The following MYO7B variants were observed in gnomAD, a reference collection of about 807,000 sequenced individuals.
MYO7B encodes the protein myosin VIIB, also known as unconventional myosin-VIIb.
Under a neutral mutation model 259.7 loss-of-function variants are expected in MYO7B, and 212 were observed. That is an observed-to-expected ratio of 0.82 (90% confidence interval 0.73 to 0.91). The LOEUF is 0.91. MYO7B is among the 40% of genes least tolerant of loss of function. MYO7B has a pLI of 0.00. For missense variants in MYO7B, 2,732 were observed against 2,813.5 expected, an observed-to-expected ratio of 0.97 and a Z score of 0.66; for synonymous variants, 1,197 against 1,166.4, an observed-to-expected ratio of 1.03 and a Z score of -0.54.
chr2:127,637,284 C>A, intron 47 of MYO7B, 32 bp from the exon 48 acceptor site: 1 of 1,492,658 alleles, frequency 6.7e-7, no homozygotes, highest in Non-Finnish European at 9.0e-7. Context: ...CCTCTGCACC[C>A]ACAGCCTCTG....
intron 10 of MYO7B, among the ~76,000 whole-genome samples, chr2:127,581,390 T>C (rs150901433): frequency 6.6e-6 from 1 of 152,324 alleles, no homozygotes; most frequent in Non-Finnish European, 1.5e-5. Context: ...TTGACAGTTC[T>C]GGTGGAAAAT....
intron 39 of MYO7B, among the ~76,000 whole-genome samples, chr2:127,632,996 C>T (rs1488147741): frequency 2.0e-5 from 3 of 152,216 alleles, no homozygotes; most frequent in Non-Finnish European, 2.9e-5. Flanking sequence ...CCTTTCCTGC[C>T]GGCGCCTTCC....
At position 127,574,008 on chromosome 2, in the gene MYO7B, C is replaced by T. The variant is rs779853924; in HGVS notation, c.681C>T (p.Ile227=). 116 of 1,613,916 alleles carry T rather than the reference C, an allele frequency of 7.2e-5. 1 individual carries two copies. The Middle Eastern group carries it at 1.2e-3, about 16-fold the overall frequency. ...IDIYFNPSGV[I]EGARIEQFLL... ...TCTACTTTAACCCCAGCGGGGTGAT[C>T]GAGGGCGCGCGCATCGAGCAATTTC... The change falls in exon 7 of 48, where the codon ATC becomes ATT. Residue 227 remains isoleucine (I), a synonymous_variant. Coordinates refer to ENST00000409816, the MANE Select transcript of MYO7B (RefSeq NM_001393586.1).
intron 1 of MYO7B, among the ~76,000 whole-genome samples, chr2:127,558,802 A>C (rs888910883): frequency 2.6e-5 from 4 of 152,204 alleles, no homozygotes; most frequent in African/African-American, 9.7e-5. Flanking sequence ...TGGAAAACCA[A>C]ACATCGTATG....
intron 15 of MYO7B, among the ~76,000 whole-genome samples, 192 bp downstream of exon 15, chr2:127,588,747 AGTGGG>A: frequency 1.3e-5 from 1 of 75,080 alleles, no homozygotes; most frequent in Admixed American, 1.6e-4. Context: ...GTGGATGGGT[AGTGGG>A]TGGGTGGATG....
Position 127,607,182 on chromosome 2 carries a change from C to G in MYO7B, c.2425-24C>G, listed in dbSNP as rs1412835876. On this transcript the variant is annotated intron_variant, in intron 20 of 47. Coordinates refer to ENST00000409816, the MANE Select transcript of MYO7B (RefSeq NM_001393586.1). This position sits in a 1 kb window ranked among gnomAD's most constrained non-coding sequence, Gnocchi z 4.4. ...TGGGGAAGGCCTTCTTGCCCCTGATCTCACCTCTCTCTTGCCTCCGCAGAT... is the reference window on the plus strand; with the variant it reads ...TGGGGAAGGCCTTCTTGCCCCTGATGTCACCTCTCTCTTGCCTCCGCAGAT... 3 of 1,536,472 alleles carry G rather than the reference C, an allele frequency of 2.0e-6. No homozygotes were observed. The highest frequency in any genetic ancestry group is 4.6e-4 in the Middle Eastern group (2 of 4,372).
At chr2:127,564,090 G>A in intron 2 of MYO7B, 63 bp from the exon 3 acceptor site, 1 of 1,200,530 alleles carries the variant, frequency 8.3e-7, no homozygotes, top group South Asian at 1.4e-5. Context: ...AGAGAAGTAA[G>A]TATCCAGCAG....
intron 26 of MYO7B, among the ~76,000 whole-genome samples, chr2:127,618,888 G>A (rs574875754): frequency 2.0e-5 from 3 of 152,370 alleles, no homozygotes; most frequent in African/African-American, 7.2e-5. Context: ...GATCCAGAGA[G>A]AGCTGATGAG....
chr2:127,624,360 A>G (rs377580049), intron 30 of MYO7B, 40 bp downstream of exon 30: 283 of 1,525,382 alleles, frequency 1.9e-4, no homozygotes, highest in Non-Finnish European at 2.3e-4. Context: ...AGGCTTTGCC[A>G]TCAGGAAACA....
Position 127,628,678 on chromosome 2 carries a change from G to A in MYO7B, c.4624+143G>A. ...GGGAAGGCCCCAAAGCTCTGTGGGGGCAGCTTTAGGCAAGGCCCTGCCTTC... is the reference window on the plus strand; with the variant it reads ...GGGAAGGCCCCAAAGCTCTGTGGGGACAGCTTTAGGCAAGGCCCTGCCTTC... On this transcript the variant is annotated intron_variant, in intron 34 of 47. Coordinates refer to ENST00000409816, the MANE Select transcript of MYO7B (RefSeq NM_001393586.1). The surrounding 1 kb of genome is among the most constrained non-coding windows in gnomAD (Gnocchi z 4.8). 2.3e-6 allele frequency: 2 copies of A among 857,384 alleles called. No individual in the cohort carries two copies. The highest frequency in any genetic ancestry group is 1.8e-5 in the South Asian group (1 of 56,692). 53.1% of individuals were successfully genotyped at this position (857,384 alleles called of 1,614,324 possible). A position where few individuals can be genotyped will look rare whatever the true frequency, so the allele number is the denominator to read the frequency against.
chr2:127,597,017 C>T lies in MYO7B; in HGVS notation c.2339+461C>T, dbSNP rs1679797197. On this transcript the variant is annotated intron_variant, in intron 19 of 47. Coordinates refer to ENST00000409816, the MANE Select transcript of MYO7B (RefSeq NM_001393586.1). This position sits in a 1 kb window ranked among gnomAD's most constrained non-coding sequence, Gnocchi z 4.8. ...CCCACCCTCACCTGGGTTCCTGAGC[C>T]ACCATAGCAAGGGCTGGAAACCCAG... Among the ~76,000 whole-genome samples the T allele has an allele frequency of 6.6e-6, 1 of 152,236 alleles. No individual in the cohort carries two copies. The highest frequency in any genetic ancestry group is 2.4e-5 in the African/African-American group (1 of 41,452).
chr2:127,625,328 C>T (rs185932133), intron 30 of MYO7B, 40 bp from the exon 31 acceptor site: 3 of 1,464,116 alleles, frequency 2.0e-6, no homozygotes, highest in Middle Eastern at 2.1e-4. Flanking sequence ...GGAGCTCTCA[C>T]TTGTCTCACT....
chr2:127,621,097 C>A (rs747645561), intron 27 of MYO7B, among the ~76,000 whole-genome samples: 1 of 152,178 alleles, frequency 6.6e-6, no homozygotes, highest in Non-Finnish European at 1.5e-5. Context: ...GTCACTGAAG[C>A]CATCTGCGCA....
chr2:127,547,823 C>T (rs933663469), intron 1 of MYO7B, among the ~76,000 whole-genome samples: 9 of 152,152 alleles, frequency 5.9e-5, no homozygotes, highest in African/African-American at 1.2e-4. Flanking sequence ...ATTAGAGTAA[C>T]GCTGGCCTCA....
chr2:127,557,457 T>G (rs575885863), intron 1 of MYO7B, among the ~76,000 whole-genome samples: 13 of 152,256 alleles, frequency 8.5e-5, no homozygotes, highest in East Asian at 1.9e-4. Flanking sequence ...TGTGATTTTT[T>G]GGGGGTTTTA....
intron 6 of MYO7B, among the ~76,000 whole-genome samples, chr2:127,571,158 G>A (rs927602102): frequency 1.3e-5 from 2 of 152,122 alleles, no homozygotes; most frequent in African/African-American, 2.4e-5. Context: ...AGAAACTTCC[G>A]AAATGTTTTC....
At chr2:127,591,931 C>T (rs1679574742) in intron 16 of MYO7B, among the ~76,000 whole-genome samples, 1 of 152,258 alleles carries the variant, frequency 6.6e-6, no homozygotes, top group Non-Finnish European at 1.5e-5. Context: ...CCAGGTCTCA[C>T]TCTGACCTCC....
chr2:127,625,753 T>C (rs1681076733), intron 31 of MYO7B, among the ~76,000 whole-genome samples: 1 of 152,224 alleles, frequency 6.6e-6, no homozygotes, highest in Non-Finnish European at 1.5e-5. Context: ...ACCTTCTTCC[T>C]TCCAAGCTGG....
rs1423092751 is a variant in MYO7B, at chr2:127,556,131, C to T, written c.-23-3569C>T. 2.6e-5 allele frequency among the ~76,000 whole-genome samples: 4 copies of T among 152,164 alleles called. No individual in the cohort carries two copies. The South Asian group carries it at 8.3e-4, about 32-fold the overall frequency. On this transcript the variant is annotated intron_variant, in intron 1 of 47. Transcript: ENST00000409816. Reference sequence around the variant, plus strand: ...TGTGATATTTTCCTGTTGGACAAGGCCTTTTATGATTATATAATATCCCTC... The same window carrying T: ...TGTGATATTTTCCTGTTGGACAAGGTCTTTTATGATTATATAATATCCCTC...
Sources: gnomAD v4.1 joint callset for allele counts (sites outside exome capture counted in the v4.1 genomes callset) on GRCh38, gnomAD v4.1.1 for gene constraint, Gnocchi (gnomAD v3.1) non-coding constraint, MANE v1.5 for transcripts, NCBI Gene and HGNC (gene_info 2026-07-23, HGNC 2026-07-21) for gene names.